EED: variants seen among roughly 807,000 people sequenced by gnomAD.
The protein encoded by EED is embryonic ectoderm development.
A neutral mutation model predicts 61.0 loss-of-function variants in EED; 9 were observed. The ratio of observed to expected loss-of-function variants is 0.15; its 90% CI spans 0.09 to 0.26. The LOEUF (loss-of-function observed/expected upper bound fraction) is 0.26, where lower values mean the gene tolerates loss of function less well. Ranked by LOEUF, EED falls within the 10% of genes least tolerant of loss-of-function variation. EED has a pLI of 1.00. For missense variants in EED, 315 were observed against 542.3 expected (o/e 0.58, Z 4.16); for synonymous variants, 187 against 174.4 (o/e 1.07, Z -0.57).
chr11:86,282,595 A>C (rs1016972255), downstream of EED, among the ~76,000 whole-genome samples: 3 of 152,192 alleles, frequency 2.0e-5, no homozygotes, highest in African/African-American at 7.2e-5. Flanking sequence ...CTTTCTTATT[A>C]AGTTTGTACC....
chr11:86,254,918 G>T (rs1411757135), intron 3 of EED, among the ~76,000 whole-genome samples: 1 of 152,214 alleles, frequency 6.6e-6, no homozygotes, highest in African/African-American at 2.4e-5. Context: ...ACCGTGCCCG[G>T]CCTAATATTT....
the EED span, chr11:86,284,778 T>G: frequency 1.3e-5 from 2 of 152,196 alleles, no homozygotes; most frequent in Non-Finnish European, 2.9e-5. Context: ...GAAGACAAGG[T>G]CAGCTATGTA....
chr11:86,252,537 G>A (rs1268048885), intron 3 of EED, among the ~76,000 whole-genome samples: 2 of 141,222 alleles, frequency 1.4e-5, no homozygotes, highest in African/African-American at 5.3e-5. Flanking sequence ...TTTAATTGGC[G>A]TTCTTTTTAA....
chr11:86,276,458 T>C (rs1030555883), intron 9 of EED: 7 of 152,234 alleles, frequency 4.6e-5, no homozygotes, highest in African/African-American at 1.7e-4. Context: ...AGATACCTGT[T>C]GAGTACCTAC....
chr11:86,284,844 G>A, the EED span, among the ~76,000 whole-genome samples: 5,025 of 152,292 alleles, frequency 0.033, 263 homozygotes, highest in African/African-American at 0.11. Flanking sequence ...GGGTGCGGTG[G>A]TTCATGCCTG....
intron 6 of EED, among the ~76,000 whole-genome samples, chr11:86,258,051 A>C (rs1172054823): frequency 1.3e-5 from 2 of 152,058 alleles, no homozygotes; most frequent in Non-Finnish European, 2.9e-5. Context: ...GTTTTATTTT[A>C]AGTCTAGTAT....
Position 86,250,345 on chromosome 11 carries a change from C to A in EED, c.164C>A (p.Thr55Lys). 1 of 1,607,336 alleles carries A rather than the reference C, an allele frequency of 6.2e-7. No individual in the cohort carries two copies. Among genetic ancestry groups the A allele is most frequent in the Non-Finnish European group, 8.5e-7 (1 of 1,177,198 alleles). ...ESGTNTERPDTPTNTPNAPGR... is the reference protein window; with the variant it reads ...ESGTNTERPDKPTNTPNAPGR... Reference sequence around the variant, plus strand: ...GGTACAAACACTGAACGCCCTGATACACCTACAAACACGCCAAATGCACCT... The same window carrying A: ...GGTACAAACACTGAACGCCCTGATAAACCTACAAACACGCCAAATGCACCT... Residue 55 changes from threonine to lysine, a missense_variant, in exon 2 of 12, where the codon ACA becomes AAA. Transcript: ENST00000263360.
At chr11:86,269,067 T>C (rs1006674135) in intron 9 of EED, among the ~76,000 whole-genome samples, 1 of 152,236 alleles carries the variant, frequency 6.6e-6, no homozygotes, top group Admixed American at 6.5e-5. Context: ...ACGCATTTAA[T>C]ACACATAACC....
At chr11:86,258,075 T>A (rs73511888) in intron 6 of EED, among the ~76,000 whole-genome samples, 9,050 of 152,206 alleles carry the variant, frequency 0.059, 332 homozygotes, top group Middle Eastern at 0.12. Flanking sequence ...TTAGTTATTT[T>A]TCCTGATCTT....
chr11:86,244,948 TGC>T lies in EED; in HGVS notation c.-281_-280del. On this transcript the variant is annotated 5_prime_UTR_variant, in exon 1 of 12. Coordinates refer to ENST00000263360, the MANE Select transcript of EED (RefSeq NM_003797.5). The stretch of plus-strand genomic sequence containing the variant: ...CCAACGGACCTTACATCGTGTAGAC[TGC>T]CGGGAGGGCGGCGGGAAAAGGGCAA... The T allele has an allele frequency of 2.6e-6, 1 of 379,962 alleles. No individual in the cohort carries two copies. The highest frequency in any genetic ancestry group is 4.8e-6 in the Non-Finnish European group (1 of 210,458). 23.5% of individuals were successfully genotyped at this position (379,962 alleles called of 1,614,324 possible). A position where few individuals can be genotyped will look rare whatever the true frequency, so the allele number is the denominator to read the frequency against.
At chr11:86,263,387 A>G (rs1170555265) in intron 6 of EED, among the ~76,000 whole-genome samples, 1 of 152,172 alleles carries the variant, frequency 6.6e-6, no homozygotes, top group Non-Finnish European at 1.5e-5. Context: ...ACCCAGTTCC[A>G]AAGTCATTTC....
intron 9 of EED, among the ~76,000 whole-genome samples, chr11:86,270,674 T>A (rs1298816022): frequency 6.6e-6 from 1 of 152,212 alleles, no homozygotes; most frequent in East Asian, 1.9e-4. Context: ...AAATGTGTAA[T>A]CCATTTTGAG....
chr11:86,271,800 A>C (rs2138217305), intron 9 of EED, among the ~76,000 whole-genome samples: 1 of 151,656 alleles, frequency 6.6e-6, no homozygotes, highest in Admixed American at 6.6e-5. Flanking sequence ...TGGTTTTTTG[A>C]ATATTGATCC....
In EED at chr11:86,266,146, A is replaced by G; in HGVS notation, c.790A>G (p.Arg264Gly). 6.2e-7 allele frequency: 1 copy of G among 1,605,850 alleles called. No homozygotes were observed. The highest frequency in any genetic ancestry group is 8.5e-7 in the Non-Finnish European group (1 of 1,174,374). ...CGMDHSLKLW[R>G]INSKRMMNAI... ...TATGGATCATTCTCTTAAACTTTGG[A>G]GGATCAATTCAAAGAGAATGATGAA... Residue 264 changes from arginine (R) to glycine (G), a missense_variant, in exon 8 of 12, where the codon AGG (arginine) becomes GGG (glycine). By Grantham distance (125) the Arg-to-Gly change is moderately radical. Coordinates refer to ENST00000263360, the MANE Select transcript of EED (RefSeq NM_003797.5).
intron 2 of EED, among the ~76,000 whole-genome samples, chr11:86,251,562 G>A (rs548476063): frequency 1.8e-4 from 28 of 152,150 alleles, no homozygotes; most frequent in Non-Finnish European, 3.5e-4. Context: ...GTGAACAAAA[G>A]TGCATAATTG....
At position 86,261,483 on chromosome 11, in the gene EED, G is replaced by A. The variant is rs1172950536; in HGVS notation, c.635-2689G>A. On this transcript the variant is annotated intron_variant, in intron 6 of 11. Transcript: ENST00000263360. ...AGTCGGGTGCCTGCAGCTCTTGCAG[G>A]CTGGTGGTGTGCCCTGGTAGCTCAG... 2.6e-5 allele frequency among the ~76,000 whole-genome samples: 4 copies of A among 152,192 alleles called. No individual in the cohort carries two copies. The South Asian group carries it at 8.3e-4, about 31-fold the overall frequency.
At chr11:86,271,329 A>C (rs951998443) in intron 9 of EED, among the ~76,000 whole-genome samples, 2 of 152,186 alleles carry the variant, frequency 1.3e-5, no homozygotes, top group South Asian at 2.1e-4. Context: ...TTATGTGTTC[A>C]TAACTAATAT....
chr11:86,270,117 G>A (rs1223535846), intron 9 of EED: 2 of 700,840 alleles, frequency 2.9e-6, no homozygotes, highest in Non-Finnish European at 2.6e-6. Flanking sequence ...CACCAGCAAT[G>A]TATGAGAGAT....
At chr11:86,282,150 A>G (rs1331130396), downstream of EED, among the ~76,000 whole-genome samples, 4 of 152,214 alleles carry the variant, frequency 2.6e-5, no homozygotes, top group African/African-American at 9.6e-5. Flanking sequence ...AATTTACTCT[A>G]TATTTCCAAG....
Sources: allele counts gnomAD v4.1 joint callset (sites outside exome capture counted in the v4.1 genomes callset), GRCh38; gene constraint gnomAD v4.1.1; transcripts MANE v1.5; gene names NCBI Gene and HGNC (gene_info 2026-07-23, HGNC 2026-07-21).